The following WDR17 variants were observed in gnomAD, a reference collection of about 807,000 sequenced individuals.
The protein encoded by WDR17 is WD repeat-containing protein 17.
WDR17 carries 143 observed loss-of-function variants against 161.7 expected under a neutral mutation model. The observed-to-expected ratio is 0.88, with a 90% CI of 0.77 to 1.02. WDR17 has a LOEUF of 1.02. WDR17 is among the 50% of genes least tolerant of loss of function. The pLI is 0.00. For missense variants in WDR17, 1,469 were observed against 1,520.9 expected, an observed-to-expected ratio of 0.97 and a Z score of 0.57; for synonymous variants, 517 against 515.6, an observed-to-expected ratio of 1.00 and a Z score of -0.04.
chr4:176,078,717 T>C (rs1347771585), intron 1 of WDR17, among the ~76,000 whole-genome samples: 1 of 152,142 alleles, frequency 6.6e-6, no homozygotes, highest in Admixed American at 6.6e-5. Context: ...ATTTTGATCT[T>C]TGTCATGGGC....
rs148579014 is a variant in WDR17, at chr4:176,162,121, G to T, written c.2797G>T (p.Asp933Tyr). 4 of 1,613,320 alleles carry T rather than the reference G, an allele frequency of 2.5e-6. No homozygotes were observed. The South Asian group carries it at 4.4e-5, about 18-fold the overall frequency. The change falls in exon 21 of 29, where the codon GAT becomes TAT. Residue 933 changes from aspartate to tyrosine, a missense_variant. Asp to Tyr is a radical substitution (Grantham distance 160). Transcript: ENST00000508596. Reference sequence around the variant, plus strand: ...AGAACTGGCAGAATGGTATTTTCAAGATGGTCGAGCAGTACTAGCCGCATG... The same window carrying T: ...AGAACTGGCAGAATGGTATTTTCAATATGGTCGAGCAGTACTAGCCGCATG... ...SKELAEWYFQDGRAVLAACCH... is the reference protein window; with the variant it reads ...SKELAEWYFQYGRAVLAACCH...
At chr4:176,068,280 T>C (rs1014415978) in intron 1 of WDR17, 3 of 152,162 alleles carry the variant, frequency 2.0e-5, no homozygotes, top group Non-Finnish European at 4.4e-5. Flanking sequence ...AGAGATTTCA[T>C]CGAAATTATA....
intron 7 of WDR17, 133 bp from the exon 8 acceptor site, chr4:176,134,975 T>C: frequency 2.4e-6 from 2 of 817,142 alleles, no homozygotes; most frequent in Non-Finnish European, 3.9e-6. Context: ...TTTCTGTTTT[T>C]CTTGCCTATA....
chr4:176,077,155 ATTTT>A (rs66817611), intron 1 of WDR17, among the ~76,000 whole-genome samples: 67 of 125,428 alleles, frequency 5.3e-4, no homozygotes, highest in African/African-American at 2.1e-3. Context: ...TTTTCTCCCA[ATTTT>A]TTTTTTTTTT....
chr4:176,142,031 A>G lies in WDR17; in HGVS notation c.1491A>G (p.Pro497=), dbSNP rs1357697935. The G allele has an allele frequency of 6.2e-7, 1 of 1,611,238 alleles. No individual in the cohort carries two copies. The highest frequency in any genetic ancestry group is 8.5e-7 in the Non-Finnish European group (1 of 1,178,358). ...DGKVLHKYKH[P]AAVFGCDWSQ... ...AAGTGCTACACAAATATAAACATCC[A>G]GCTGCAGTGTTTGGTTGTGATTGGA... Residue 497 remains proline (P), a synonymous_variant, in exon 11 of 29, where the codon CCA becomes CCG. Coordinates refer to ENST00000508596, the MANE Select transcript of WDR17 (RefSeq NM_181265.4).
intron 18 of WDR17, among the ~76,000 whole-genome samples, chr4:176,156,759 G>A (rs1327170667): frequency 1.3e-5 from 2 of 152,050 alleles, no homozygotes; most frequent in African/African-American, 4.8e-5. Flanking sequence ...GAGGCCAGAA[G>A]TCTAAATCAT....
intron 11 of WDR17, among the ~76,000 whole-genome samples, chr4:176,142,577 A>T (rs1232344063): frequency 6.6e-6 from 1 of 152,208 alleles, no homozygotes; most frequent in African/African-American, 2.4e-5. Flanking sequence ...ATCAGCTTAG[A>T]TTTAAAATTA....
intron 1 of WDR17, among the ~76,000 whole-genome samples, chr4:176,075,449 A>G (rs1733838320): frequency 6.6e-6 from 1 of 152,180 alleles, no homozygotes; most frequent in Admixed American, 6.5e-5. Context: ...ATTTTAGGTT[A>G]TCTGTCTTCT....
At chr4:176,094,239 A>T (rs1736506110) in intron 1 of WDR17, among the ~76,000 whole-genome samples, 6 of 152,190 alleles carry the variant, frequency 3.9e-5, no homozygotes, top group Admixed American at 3.9e-4. Flanking sequence ...CCTTCAGTTC[A>T]TGTGAACTGT....
rs1750255442 is a variant in WDR17, at chr4:176,168,734, G to A, written c.3053G>A (p.Cys1018Tyr). Reference sequence around the variant, plus strand: ...AATGAACTACATTTAATAAAACTCTGTGCTTTCTACCCAGGATGTACTGAA... The same window carrying A: ...AATGAACTACATTTAATAAAACTCTATGCTTTCTACCCAGGATGTACTGAA... The part of the protein sequence containing the change: ...PDNELHLIKL[C>Y]AFYPGCTEEI... The change falls in exon 23 of 29, where the codon TGT (cysteine) becomes TAT (tyrosine). Residue 1018 changes from cysteine (C) to tyrosine (Y), a missense_variant. Transcript: ENST00000508596. 1.9e-6 allele frequency: 3 copies of A among 1,613,190 alleles called. No homozygotes were observed. The Admixed American group carries it at 5.0e-5, about 27-fold the overall frequency.
At chr4:176,115,290 A>G (rs1180522578) in intron 2 of WDR17, among the ~76,000 whole-genome samples, 2 of 151,946 alleles carry the variant, frequency 1.3e-5, no homozygotes, top group Non-Finnish European at 2.9e-5. Flanking sequence ...ATGTATAAAA[A>G]CACAATATAA....
chr4:176,146,938 C>T (rs528117055), intron 12 of WDR17, among the ~76,000 whole-genome samples: 59 of 152,048 alleles, frequency 3.9e-4, no homozygotes, highest in Non-Finnish European at 8.8e-5. Flanking sequence ...ATGATCTCAG[C>T]TCACTGCAAT....
intron 1 of WDR17, among the ~76,000 whole-genome samples, chr4:176,075,492 A>T (rs551196127): frequency 1.3e-5 from 2 of 152,166 alleles, no homozygotes; most frequent in African/African-American, 4.8e-5. Flanking sequence ...TTCCATTTTC[A>T]TAACCATATT....
chr4:176,117,974 A>G (rs1180637310), intron 3 of WDR17, among the ~76,000 whole-genome samples: 1 of 152,128 alleles, frequency 6.6e-6, no homozygotes, highest in East Asian at 1.9e-4. Context: ...ACTTCCAAAT[A>G]CAGTTGTTGA....
chr4:176,169,264 A>G lies in WDR17; in HGVS notation c.3102+481A>G, dbSNP rs186780451. On this transcript the variant is annotated intron_variant, in intron 23 of 28. Transcript: ENST00000508596. ...TGCATTTTTCCAAAGTGCTTTAAAA[A>G]TACTCATCTGCAGAATATAGGAATC... Among the ~76,000 whole-genome samples the G allele has an allele frequency of 2.1e-3, 323 of 152,332 alleles. 2 individuals carry two copies. Among genetic ancestry groups the G allele is most frequent in the African/African-American group, 7.5e-3 (312 of 41,590 alleles).
intron 6 of WDR17, among the ~76,000 whole-genome samples, chr4:176,131,289 G>T (rs1449511034): frequency 6.6e-6 from 1 of 152,072 alleles, no homozygotes; most frequent in African/African-American, 2.4e-5. Context: ...AGGGTGATAA[G>T]AAACCACATA....
At chr4:176,079,829 G>A (rs1734509908) in intron 1 of WDR17, among the ~76,000 whole-genome samples, 1 of 152,042 alleles carries the variant, frequency 6.6e-6, no homozygotes, top group African/African-American at 2.4e-5. Context: ...GGCAGTACAG[G>A]TAATCACAAG....
intron 25 of WDR17, among the ~76,000 whole-genome samples, chr4:176,173,585 C>T (rs1187013361): frequency 1.3e-5 from 2 of 152,094 alleles, no homozygotes; most frequent in Non-Finnish European, 2.9e-5. Context: ...GGCGTGATCT[C>T]AGCTCACTGC....
At chr4:176,129,888 T>C (rs1743082010) in intron 6 of WDR17, among the ~76,000 whole-genome samples, 2 of 150,582 alleles carry the variant, frequency 1.3e-5, no homozygotes, top group Admixed American at 1.3e-4. Flanking sequence ...TTTTTGTCAT[T>C]GTTAGTTCCT....
Sources: allele counts gnomAD v4.1 joint callset (sites outside exome capture counted in the v4.1 genomes callset), GRCh38; gene constraint gnomAD v4.1.1; transcripts MANE v1.5; gene names NCBI Gene and HGNC (gene_info 2026-07-23, HGNC 2026-07-21).